Variants in SLC25A16 observed in about 807,000 individuals in gnomAD.
SLC25A16 encodes mitochondrial coenzyme A transporter SLC25A16.
In SLC25A16, 39 loss-of-function variants were observed where a neutral mutation model predicts 41.5. The ratio of observed to expected loss-of-function variants is 0.94; its 90% CI spans 0.73 to 1.23. The LOEUF is 1.23. Ranked by LOEUF, SLC25A16 falls within the 50% of genes most tolerant of loss-of-function variation. The pLI is 0.00. For synonymous variants in SLC25A16, 146 were observed against 147.8 expected (o/e 0.99, Z 0.09); for missense variants, 421 against 426.9 (o/e 0.99, Z 0.12).
intron 2 of SLC25A16, among the ~76,000 whole-genome samples, chr10:68,509,756 T>TATATATAG (rs1564923092): frequency 3.4e-4 from 50 of 148,154 alleles, no homozygotes; most frequent in African/African-American, 1.2e-3. Flanking sequence ...TATATATAGA[T>TATATATAG]ATATAGATAT....
intron 3 of SLC25A16, 21 bp from the exon 4 acceptor site, chr10:68,503,716 A>T: frequency 6.8e-7 from 1 of 1,472,212 alleles, no homozygotes; most frequent in South Asian, 1.2e-5. Context: ...AGAACACTGA[A>T]TTAAATGAGA....
chr10:68,486,777 G>A (rs1201458276), intron 8 of SLC25A16, among the ~76,000 whole-genome samples: 1 of 151,552 alleles, frequency 6.6e-6, no homozygotes, highest in Non-Finnish European at 1.5e-5. Flanking sequence ...CCAACATGGT[G>A]AAACCTTATT....
chr10:68,484,139 T>A (rs1256066167), intron 8 of SLC25A16, among the ~76,000 whole-genome samples: 1 of 152,188 alleles, frequency 6.6e-6, no homozygotes, highest in Non-Finnish European at 1.5e-5. Flanking sequence ...TTGTACTATG[T>A]CTATGACATT....
chr10:68,480,091 A>C lies in SLC25A16; in HGVS notation c.*3341T>G, dbSNP rs2052468523. On this transcript the variant is annotated 3_prime_UTR_variant, in exon 9 of 9. Transcript: ENST00000609923. ...TCCACCTTCTACAGGTAATTACTGAAAACTAGGAGGTATACCTCACTTATC... is the reference window on the plus strand; with the variant it reads ...TCCACCTTCTACAGGTAATTACTGACAACTAGGAGGTATACCTCACTTATC... 1 of 152,132 alleles carries C rather than the reference A, an allele frequency of 6.6e-6. No individual in the cohort carries two copies. The highest frequency in any genetic ancestry group is 2.4e-5 in the African/African-American group (1 of 41,446). 9.4% of individuals were successfully genotyped at this position (152,132 alleles called of 1,614,324 possible). A position where few individuals can be genotyped will look rare whatever the true frequency, so the allele number is the denominator to read the frequency against.
rs138392587 is a variant in SLC25A16, at chr10:68,509,820, C to T, written c.224-3102G>A. Among the ~76,000 whole-genome samples the T allele has an allele frequency of 2.7e-3, 403 of 151,580 alleles. 4 individuals are homozygous for T. Among genetic ancestry groups the T allele is most frequent in the African/African-American group, 9.1e-3 (378 of 41,398 alleles). On this transcript the variant is annotated intron_variant, in intron 2 of 8. Transcript: ENST00000609923. ...TTTTTAAAAAGACAAAGGCCAGGCGCGGTGACTCATGCTTCTAATCCCAGC... is the reference window on the plus strand; with the variant it reads ...TTTTTAAAAAGACAAAGGCCAGGCGTGGTGACTCATGCTTCTAATCCCAGC...
Position 68,503,795 on chromosome 10 carries a change from A to T in SLC25A16, c.358-100T>A. 4 of 755,008 alleles carry T rather than the reference A, an allele frequency of 5.3e-6. No homozygotes were observed. The South Asian group carries it at 6.8e-5, about 13-fold the overall frequency. 46.8% of individuals were successfully genotyped at this position (755,008 alleles called of 1,614,324 possible). On this transcript the variant is annotated intron_variant, in intron 3 of 8. Transcript: ENST00000609923. The stretch of plus-strand genomic sequence containing the variant: ...TTATTTCAAGAGTTACAGGACTAAT[A>T]AAAAGGAAATTAATAATAAATGTGA...
In SLC25A16 at chr10:68,483,504, A is replaced by T; in HGVS notation, c.927T>A (p.Ile309=). 6.2e-7 allele frequency: 1 copy of T among 1,613,096 alleles called. No homozygotes were observed. The highest frequency in any genetic ancestry group is 1.1e-5 in the South Asian group (1 of 90,848). Residue 309 remains isoleucine (I), a synonymous_variant, in exon 9 of 9, where the codon ATT becomes ATA. Transcript: ENST00000609923. ...GLYRGLSLNY[I]RCIPSQAVAF... ...CCACTGCTTGAGAGGGAATACAGCG[A>T]ATGTAATTAAGAGATAAACCACGAT... is the stretch of plus-strand genomic sequence containing the variant.
At chr10:68,516,625 T>C (rs1394705371) in intron 2 of SLC25A16, 126 bp downstream of exon 2, 2 of 571,618 alleles carry the variant, frequency 3.5e-6, no homozygotes, top group Admixed American at 6.9e-5. Flanking sequence ...CCTAATTAAA[T>C]GGGGAAAAAA....
rs187966650 is a variant in SLC25A16 at position 68,478,320 on chromosome 10, T to C, written c.*5112A>G. 1 of 148,620 alleles carries C rather than the reference T, an allele frequency of 6.7e-6. No individual in the cohort carries two copies. The highest frequency in any genetic ancestry group is 1.5e-5 in the Non-Finnish European group (1 of 67,856). 9.2% of individuals were successfully genotyped at this position (148,620 alleles called of 1,614,324 possible). ...ATGCCACATAATTCTTCAGGAAATA[T>C]ATGTAATTGTTATTATTTATCACCA... On this transcript the variant is annotated 3_prime_UTR_variant, in exon 9 of 9. Transcript: ENST00000609923.
At chr10:68,513,141 T>C (rs2053096136) in intron 2 of SLC25A16, among the ~76,000 whole-genome samples, 1 of 151,370 alleles carries the variant, frequency 6.6e-6, no homozygotes, top group Non-Finnish European at 1.5e-5. Context: ...AAGTCATGAG[T>C]TGCAGACCAG....
chr10:68,485,158 C>T (rs10823211), intron 8 of SLC25A16, among the ~76,000 whole-genome samples: 5,070 of 151,342 alleles, frequency 0.034, 100 homozygotes, highest in Middle Eastern at 0.06. Flanking sequence ...AGCACGATCT[C>T]GGCTCACTGC....
chr10:68,493,690 G>A, intron 4 of SLC25A16, 120 bp from the exon 5 acceptor site: 1 of 763,496 alleles, frequency 1.3e-6, no homozygotes, highest in East Asian at 2.7e-5. Flanking sequence ...AATCAAAGGT[G>A]ATATTACTGA....
At chr10:68,516,952 G>T in intron 1 of SLC25A16, 109 bp from the exon 2 acceptor site, 16 of 1,028,906 alleles carry the variant, frequency 1.6e-5, no homozygotes, top group Non-Finnish European at 2.1e-5. Context: ...CAGTCTCCAT[G>T]AGTAAATCTG....
intron 2 of SLC25A16, among the ~76,000 whole-genome samples, chr10:68,509,143 C>A (rs2053010258): frequency 6.6e-6 from 1 of 151,950 alleles, no homozygotes; most frequent in Non-Finnish European, 1.5e-5. Flanking sequence ...TCAAGACCAG[C>A]CTGACCAACA....
At chr10:68,510,560 G>A (rs189589279) in intron 2 of SLC25A16, among the ~76,000 whole-genome samples, 130 of 151,856 alleles carry the variant, frequency 8.6e-4, no homozygotes, top group African/African-American at 2.9e-3. Flanking sequence ...TAAAAAATGG[G>A]CCGGGCGCGG....
chr10:68,524,329 A>G (rs920663630), intron 1 of SLC25A16, among the ~76,000 whole-genome samples: 1 of 140,838 alleles, frequency 7.1e-6, no homozygotes, highest in Admixed American at 7.2e-5. Flanking sequence ...AAAAAAAAAA[A>G]AAGAGAGATC....
intron 1 of SLC25A16, among the ~76,000 whole-genome samples, chr10:68,521,302 G>A (rs1432866598): frequency 3.3e-5 from 5 of 152,106 alleles, no homozygotes; most frequent in African/African-American, 1.2e-4. Flanking sequence ...ACTTTGGTGG[G>A]CTGAGGCAGG....
At chr10:68,486,574 A>C (rs1485318192) in intron 8 of SLC25A16, among the ~76,000 whole-genome samples, 2 of 151,554 alleles carry the variant, frequency 1.3e-5, no homozygotes, top group Non-Finnish European at 2.9e-5. Context: ...GGGTTTCATC[A>C]TGTTGGCCAG....
rs1324721737 is a variant in SLC25A16, at chr10:68,482,809, A to G, written c.*623T>C. The G allele has an allele frequency of 6.6e-6, 1 of 152,154 alleles. No individual in the cohort carries two copies. The highest frequency in any genetic ancestry group is 2.4e-5 in the African/African-American group (1 of 41,444). 9.4% of individuals were successfully genotyped at this position (152,154 alleles called of 1,614,324 possible). On this transcript the variant is annotated 3_prime_UTR_variant, in exon 9 of 9. Coordinates refer to ENST00000609923, the MANE Select transcript of SLC25A16 (RefSeq NM_152707.4). ...CACCTCAGCTTCCAGAGTAGCTGGG[A>G]CCACATGCCCATCCCACCATGTCCA... is the stretch of plus-strand genomic sequence containing the variant.
Sources: allele counts gnomAD v4.1 joint callset (sites outside exome capture counted in the v4.1 genomes callset), GRCh38; gene constraint gnomAD v4.1.1; transcripts MANE v1.5; gene names NCBI Gene and HGNC (gene_info 2026-07-23, HGNC 2026-07-21).